Variants in CTIF observed in about 807,000 individuals in gnomAD.
CTIF encodes the protein CBP80/20-dependent translation initiation factor.
In CTIF, 21 loss-of-function variants were observed where a neutral mutation model predicts 66.0. The ratio of observed to expected loss-of-function variants is 0.32; its 90% CI spans 0.23 to 0.46. CTIF has a LOEUF of 0.46. Among genes scored for constraint, CTIF ranks in the 20% least tolerant of loss-of-function variants. CTIF has a pLI of 1.00. For missense variants in CTIF, 739 were observed against 812.7 expected (o/e 0.91, Z 1.10); for synonymous variants, 345 against 326.4 (o/e 1.06, Z -0.62).
intron 1 of CTIF, among the ~76,000 whole-genome samples, chr18:48,582,171 A>G (rs1007196848): frequency 1.3e-5 from 2 of 152,066 alleles, no homozygotes; most frequent in Non-Finnish European, 1.5e-5. Context: ...GCAAGGAAGC[A>G]TGGCAAGACT....
chr18:48,736,292 C>T (rs1330034332), intron 7 of CTIF, among the ~76,000 whole-genome samples: 1 of 152,156 alleles, frequency 6.6e-6, no homozygotes, highest in Non-Finnish European at 1.5e-5. Flanking sequence ...AATGCCTGTG[C>T]CTCTCCAAGT....
chr18:48,769,265 C>T (rs867452413), intron 9 of CTIF, among the ~76,000 whole-genome samples: 4 of 152,376 alleles, frequency 2.6e-5, no homozygotes, highest in Middle Eastern at 3.4e-3. Context: ...CATTCCAAAG[C>T]TTGAGCAAAA....
chr18:48,707,215 C>T (rs1031457468), intron 6 of CTIF, among the ~76,000 whole-genome samples: 3 of 152,208 alleles, frequency 2.0e-5, no homozygotes, highest in Admixed American at 6.5e-5. Context: ...AAGCAAAGTC[C>T]ACTGTATGTG....
At chr18:48,780,424 A>G (rs1911093960) in intron 9 of CTIF, among the ~76,000 whole-genome samples, 1 of 151,812 alleles carries the variant, frequency 6.6e-6, no homozygotes, top group African/African-American at 2.4e-5. Context: ...ATACAACTTG[A>G]TTTATCATGA....
chr18:48,729,017 G>T (rs550056297), intron 7 of CTIF, among the ~76,000 whole-genome samples: 1 of 152,112 alleles, frequency 6.6e-6, no homozygotes, highest in African/African-American at 2.4e-5. Flanking sequence ...TGGGTTGAGG[G>T]TTTTTGTGTG....
At chr18:48,648,653 G>C (rs2091098919) in intron 3 of CTIF, among the ~76,000 whole-genome samples, 1 of 152,184 alleles carries the variant, frequency 6.6e-6, no homozygotes, top group South Asian at 2.1e-4. Context: ...AGGAGTTTCA[G>C]ATCTGGCCCA....
At chr18:48,588,501 C>T (rs748895306) in intron 1 of CTIF, among the ~76,000 whole-genome samples, 2 of 152,198 alleles carry the variant, frequency 1.3e-5, no homozygotes, top group Non-Finnish European at 1.5e-5. Context: ...AAATCTAGCT[C>T]GCGATCCTCA....
intron 7 of CTIF, among the ~76,000 whole-genome samples, chr18:48,742,240 G>A (rs2092560976): frequency 6.6e-6 from 1 of 152,212 alleles, no homozygotes; most frequent in African/African-American, 2.4e-5. Context: ...ATGTGTTGAG[G>A]CAAAGATGAG....
At chr18:48,606,115 G>T (rs2090195601) in intron 1 of CTIF, among the ~76,000 whole-genome samples, 1 of 152,210 alleles carries the variant, frequency 6.6e-6, no homozygotes, top group Non-Finnish European at 1.5e-5. Flanking sequence ...TTGCAAATAT[G>T]TGTGGCCTGC....
At chr18:48,722,087 G>A (rs1420296535) in intron 7 of CTIF, among the ~76,000 whole-genome samples, 1 of 152,056 alleles carries the variant, frequency 6.6e-6, no homozygotes, top group Non-Finnish European at 1.5e-5. Context: ...CTCAGCCCAT[G>A]TGCCCTGTCC....
intron 1 of CTIF, among the ~76,000 whole-genome samples, chr18:48,602,848 T>A (rs1319733697): frequency 6.8e-6 from 1 of 146,412 alleles, no homozygotes; most frequent in Admixed American, 6.7e-5. Flanking sequence ...GATGGATGGA[T>A]GAATGGATGG....
At chr18:48,693,112 C>T (rs2091955967) in intron 6 of CTIF, among the ~76,000 whole-genome samples, 1 of 152,150 alleles carries the variant, frequency 6.6e-6, no homozygotes, top group South Asian at 2.1e-4. Context: ...TGTGTTGCCA[C>T]AGAGAAATGT....
chr18:48,720,480 T>C (rs16949865), intron 7 of CTIF, among the ~76,000 whole-genome samples: 44,972 of 151,902 alleles, frequency 0.3, 7,396 homozygotes, highest in African/African-American at 0.43. Context: ...GGTTTGTCTT[T>C]CCATCCCAGC....
At chr18:48,845,308 C>T (rs1259212577) in intron 10 of CTIF, among the ~76,000 whole-genome samples, 2 of 152,232 alleles carry the variant, frequency 1.3e-5, no homozygotes, top group East Asian at 3.8e-4. Flanking sequence ...GCCCCAGTAG[C>T]AGCACTGAAG....
chr18:48,549,490 A>C (rs1489069242), intron 1 of CTIF, among the ~76,000 whole-genome samples: 6 of 152,166 alleles, frequency 3.9e-5, no homozygotes, highest in Non-Finnish European at 2.9e-5. Flanking sequence ...TCATTCAGGG[A>C]GTCAGCGATC....
At chr18:48,690,072 C>G (rs1478341618) in intron 6 of CTIF, among the ~76,000 whole-genome samples, 2 of 152,176 alleles carry the variant, frequency 1.3e-5, no homozygotes, top group African/African-American at 2.4e-5. Context: ...TCTCCCTGTC[C>G]TATAAGAAGG....
intron 8 of CTIF, among the ~76,000 whole-genome samples, chr18:48,759,468 C>T (rs1397232834): frequency 1.3e-5 from 2 of 152,214 alleles, no homozygotes; most frequent in Non-Finnish European, 2.9e-5. Context: ...ATGCTGCTCC[C>T]AGTATCCTCT....
Position 48,670,785 on chromosome 18 carries a change from C to T in CTIF, c.507+41C>T, listed in dbSNP as rs555379847. The T allele has an allele frequency of 3.3e-6, 5 of 1,531,526 alleles. No homozygotes were observed. The South Asian group carries it at 5.6e-5, about 17-fold the overall frequency. 94.9% of individuals were successfully genotyped at this position (1,531,526 alleles called of 1,614,324 possible). On this transcript the variant is annotated intron_variant, in intron 6 of 11. Coordinates refer to ENST00000256413, the MANE Select transcript of CTIF (RefSeq NM_014772.3). ...GGCTCTCTAACAGCCCACCCCCACCCCTGGAGTCCTGATCCTCTTCCTGGA... is the reference window on the plus strand; with the variant it reads ...GGCTCTCTAACAGCCCACCCCCACCTCTGGAGTCCTGATCCTCTTCCTGGA...
intron 1 of CTIF, among the ~76,000 whole-genome samples, chr18:48,603,589 G>A (rs59676458): frequency 1 from 142,060 of 142,624 alleles, 70,749 homozygotes; most frequent in Middle Eastern, 1. Context: ...CTGGCTGGGT[G>A]GATAGATGGA....
Sources: gnomAD v4.1 joint callset for allele counts (sites outside exome capture counted in the v4.1 genomes callset) on GRCh38, gnomAD v4.1.1 for gene constraint, MANE v1.5 for transcripts, NCBI Gene and HGNC (gene_info 2026-07-23, HGNC 2026-07-21) for gene names.